Variants in APBA1 observed in about 807,000 individuals in gnomAD.
APBA1 encodes amyloid beta precursor protein binding family A member 1, also known as amyloid-beta A4 precursor protein-binding family A member 1.
APBA1 carries 55 observed loss-of-function variants against 86.6 expected under a neutral mutation model. The observed-to-expected ratio is 0.64, with a 90% CI of 0.51 to 0.80. The LOEUF (loss-of-function observed/expected upper bound fraction) is 0.80. Ranked by LOEUF, APBA1 falls within the 30% of genes least tolerant of loss-of-function variation. The pLI is 0.00. For synonymous variants in APBA1, 511 were observed against 493.9 expected (o/e 1.03, Z -0.46); for missense variants, 1,090 against 1,183.0 (o/e 0.92, Z 1.15).
intron 1 of APBA1, among the ~76,000 whole-genome samples, chr9:69,595,667 C>G (rs538671447): frequency 6.6e-6 from 1 of 152,156 alleles, no homozygotes; most frequent in Non-Finnish European, 1.5e-5. Flanking sequence ...GTTGCTCAAT[C>G]TAGCTATATC....
intron 1 of APBA1, among the ~76,000 whole-genome samples, chr9:69,616,059 G>A (rs977587909): frequency 3.3e-5 from 5 of 152,240 alleles, no homozygotes; most frequent in African/African-American, 7.2e-5. Flanking sequence ...GGATAATGAC[G>A]TAATTGCAGT....
intron 2 of APBA1, among the ~76,000 whole-genome samples, chr9:69,504,983 CTG>C (rs1292214601): frequency 1.3e-5 from 2 of 152,050 alleles, no homozygotes; most frequent in Non-Finnish European, 2.9e-5. Flanking sequence ...CCTGAGGTAT[CTG>C]TGTCTCTAAT....
chr9:69,564,821 G>A (rs1836999968), intron 1 of APBA1, among the ~76,000 whole-genome samples: 1 of 152,120 alleles, frequency 6.6e-6, no homozygotes, highest in South Asian at 2.1e-4. Context: ...ATTCCAGCAT[G>A]TACCCAAAAG....
intron 1 of APBA1, among the ~76,000 whole-genome samples, chr9:69,617,321 T>A (rs145753490): frequency 3.9e-4 from 59 of 152,176 alleles, no homozygotes; most frequent in Admixed American, 1.8e-3. Flanking sequence ...GCTCTTTAGG[T>A]TGACAAGATT....
At chr9:69,435,199 G>T (rs1156532124) in intron 11 of APBA1, among the ~76,000 whole-genome samples, 1 of 151,852 alleles carries the variant, frequency 6.6e-6, no homozygotes, top group African/African-American at 2.4e-5. Flanking sequence ...TATCATTGTT[G>T]GACATTTGGG....
At chr9:69,457,298 G>C (rs1184254045) in intron 6 of APBA1, among the ~76,000 whole-genome samples, 159 bp from the exon 7 acceptor site, 2 of 152,222 alleles carry the variant, frequency 1.3e-5, no homozygotes, top group Non-Finnish European at 2.9e-5. Context: ...TTACCACACA[G>C]AGGATGGACA....
In APBA1 at chr9:69,427,728, T is replaced by G. The variant is rs924713296; in HGVS notation, c.*3599A>C. On this transcript the variant is annotated 3_prime_UTR_variant, in exon 13 of 13. Transcript: ENST00000265381. Reference sequence around the variant, plus strand: ...GGAAGTACATTCAGTGGGTGTGCGGTGTCCACATTCCAGGCTCACGTGTAG... The same window carrying G: ...GGAAGTACATTCAGTGGGTGTGCGGGGTCCACATTCCAGGCTCACGTGTAG... 4 of 152,126 alleles carry G rather than the reference T, an allele frequency of 2.6e-5. No individual in the cohort carries two copies. The highest frequency in any genetic ancestry group is 5.9e-5 in the Non-Finnish European group (4 of 68,022). The allele number at this position is 152,126 out of a possible 1,614,324, so 9.4% of individuals were successfully genotyped here.
intron 1 of APBA1, among the ~76,000 whole-genome samples, chr9:69,532,052 G>C (rs1836441666): frequency 6.6e-6 from 1 of 151,930 alleles, no homozygotes; most frequent in Admixed American, 6.6e-5. Flanking sequence ...AACACAAAGA[G>C]TGAACCCTAA....
chr9:69,434,858 A>C (rs1280162661), intron 11 of APBA1, among the ~76,000 whole-genome samples: 1 of 151,910 alleles, frequency 6.6e-6, no homozygotes, highest in Non-Finnish European at 1.5e-5. Context: ...GGTTTGTTAC[A>C]TATGTATACA....
rs1015322378 is a variant in APBA1, at chr9:69,441,122, C to T, written c.2182-7G>A. On this transcript the variant is annotated splice_region_variant and splice_polypyrimidine_tract_variant and intron_variant, in intron 10 of 12. Transcript: ENST00000265381. ...GGGACTGATTCTTTAAGCCCTTAAA[C>T]ATGAATAAAGTACAGTGGGTATGGT... The T allele has an allele frequency of 1.9e-6, 3 of 1,613,184 alleles. No homozygotes were observed. The highest frequency in any genetic ancestry group is 3.3e-5 in the Admixed American group (2 of 59,918).
intron 1 of APBA1, among the ~76,000 whole-genome samples, chr9:69,577,212 GAA>G (rs2133953321): frequency 6.6e-6 from 1 of 152,252 alleles, no homozygotes; most frequent in East Asian, 1.9e-4. Flanking sequence ...TAGAAGACTA[GAA>G]TTTACTCTTC....
chr9:69,528,990 T>C (rs1405944852), intron 1 of APBA1, among the ~76,000 whole-genome samples: 1 of 152,066 alleles, frequency 6.6e-6, no homozygotes, highest in East Asian at 1.9e-4. Context: ...ATTTGGCTCA[T>C]TAAAAGTCAG....
chr9:69,461,621 T>C (rs1237600323), intron 5 of APBA1: 7 of 152,216 alleles, frequency 4.6e-5, no homozygotes, highest in Non-Finnish European at 1.0e-4. Flanking sequence ...GCCTATATTA[T>C]GTTATCCTCA....
chr9:69,486,235 A>G (rs2133852810), intron 2 of APBA1, among the ~76,000 whole-genome samples: 1 of 152,224 alleles, frequency 6.6e-6, no homozygotes, highest in African/African-American at 2.4e-5. Flanking sequence ...TACAGGCATG[A>G]ACCACTGCCC....
intron 1 of APBA1, among the ~76,000 whole-genome samples, chr9:69,532,662 T>C (rs1836451633): frequency 6.6e-6 from 1 of 152,212 alleles, no homozygotes; most frequent in African/African-American, 2.4e-5. Context: ...TGGTGAGTTG[T>C]TGAGTGGCTC....
At position 69,431,147 on chromosome 9, in the gene APBA1, A is replaced by G. The variant is rs1187509975; in HGVS notation, c.*180T>C. The G allele has an allele frequency of 4.0e-4, 184 of 454,634 alleles. No homozygotes were observed. The highest frequency in any genetic ancestry group is 3.1e-3 in the African/African-American group (151 of 48,768). 28.2% of individuals were successfully genotyped at this position (454,634 alleles called of 1,614,324 possible). ...ACGAAACTTCCCTGGTATTGAAAAA[A>G]AAAAAAAAAAAAAAGCAAATCGGAG... On this transcript the variant is annotated 3_prime_UTR_variant, in exon 13 of 13. Transcript: ENST00000265381.
chr9:69,645,646 G>T (rs1315556238), intron 1 of APBA1, among the ~76,000 whole-genome samples: 2 of 152,198 alleles, frequency 1.3e-5, no homozygotes, highest in African/African-American at 4.8e-5. Context: ...GAAAGGGAGG[G>T]GGGAGCTCGT....
chr9:69,636,825 G>A (rs1161190169), intron 1 of APBA1, among the ~76,000 whole-genome samples: 1 of 21,566 alleles, frequency 4.6e-5, no homozygotes, highest in Non-Finnish European at 1.1e-4. Context: ...GAGAGAGAGA[G>A]AGAGAGGGAG....
rs1001864659 is a variant in APBA1 at position 69,524,683 on chromosome 9, C to T, written c.-69-7404G>A. On this transcript the variant is annotated intron_variant, in intron 1 of 12. Transcript: ENST00000265381. ...ATGCAAAGAGCTGGTACCAATTCTA[C>T]TGAAACTATTACAAAAATTATGGAG... Among the ~76,000 whole-genome samples the T allele has an allele frequency of 3.3e-5, 5 of 152,108 alleles. No homozygotes were observed. The East Asian group carries it at 7.7e-4, about 23-fold the overall frequency.
Sources: allele counts gnomAD v4.1 joint callset (sites outside exome capture counted in the v4.1 genomes callset), GRCh38; gene constraint gnomAD v4.1.1; transcripts MANE v1.5; gene names NCBI Gene and HGNC (gene_info 2026-07-23, HGNC 2026-07-21).